DMXL2: variants seen among roughly 807,000 people sequenced by gnomAD.
DMXL2 encodes the protein dmX-like protein 2.
A neutral mutation model predicts 331.1 loss-of-function variants in DMXL2; 103 were observed. The observed-to-expected ratio is 0.31, with a 90% confidence interval of 0.27 to 0.37. The LOEUF (loss-of-function observed/expected upper bound fraction) is 0.37, where lower values mean the gene tolerates loss of function less well. DMXL2 is among the 10% of genes least tolerant of loss of function. The pLI is 1.00. For synonymous variants in DMXL2, 1,281 were observed against 1,252.1 expected, an observed-to-expected ratio of 1.02 and a Z score of -0.49; for missense variants, 3,171 against 3,642.9, an observed-to-expected ratio of 0.87 and a Z score of 3.33.
intron 1 of DMXL2, among the ~76,000 whole-genome samples, chr15:51,588,509 A>T (rs76058633): frequency 0.012 from 1,762 of 152,232 alleles, 26 homozygotes; most frequent in East Asian, 0.026. Flanking sequence ...TTCTTAATAC[A>T]TTTTACATTT....
chr15:51,494,942 T>C (rs2043067418), intron 19 of DMXL2, 82 bp downstream of exon 19: 3 of 962,570 alleles, frequency 3.1e-6, no homozygotes, highest in Non-Finnish European at 4.9e-6. Context: ...ACTTACCTAA[T>C]GTTTACACAC....
intron 1 of DMXL2, among the ~76,000 whole-genome samples, chr15:51,604,274 T>TA (rs55703142): frequency 0.039 from 4,891 of 126,334 alleles, 271 homozygotes; most frequent in African/African-American, 0.14. Context: ...AGGGCATCTA[T>TA]AAAAAAAAAA....
chr15:51,501,542 A>G (rs1352397345), intron 17 of DMXL2, among the ~76,000 whole-genome samples: 1 of 152,204 alleles, frequency 6.6e-6, no homozygotes. Flanking sequence ...AAAAAGCCTC[A>G]GTGGTTTACA....
intron 33 of DMXL2, among the ~76,000 whole-genome samples, chr15:51,461,787 G>A (rs1417028258): frequency 6.6e-6 from 1 of 152,124 alleles, no homozygotes; most frequent in African/African-American, 2.4e-5. Context: ...CCTGAGCTCA[G>A]GAGATCCCCC....
At chr15:51,576,920 A>G (rs948666158) in intron 1 of DMXL2, among the ~76,000 whole-genome samples, 2 of 152,234 alleles carry the variant, frequency 1.3e-5, no homozygotes, top group African/African-American at 4.8e-5. Flanking sequence ...ACTACAACAC[A>G]GAATTAAATT....
chr15:51,538,479 T>G, intron 9 of DMXL2, 27 bp from the exon 10 acceptor site: 1 of 1,518,860 alleles, frequency 6.6e-7, no homozygotes, highest in Non-Finnish European at 8.8e-7. Flanking sequence ...GATTTCAATA[T>G]AATTTTTTTT....
intron 15 of DMXL2, 37 bp downstream of exon 15, chr15:51,514,405 T>C: frequency 8.3e-7 from 1 of 1,197,856 alleles, no homozygotes. Context: ...TTTTTTAGCA[T>C]GAAGGTAAAC....
At chr15:51,601,055 A>T (rs992871729) in intron 1 of DMXL2, among the ~76,000 whole-genome samples, 2 of 151,970 alleles carry the variant, frequency 1.3e-5, no homozygotes, top group Non-Finnish European at 2.9e-5. Context: ...ACTTTGGGAG[A>T]CCGAGGCGGG....
intron 3 of DMXL2, among the ~76,000 whole-genome samples, chr15:51,566,220 ATGTGTGTGTGGGGTGTGTG>A (rs1323064903): frequency 6.3e-5 from 9 of 143,640 alleles, no homozygotes; most frequent in Non-Finnish European, 1.1e-4. Context: ...TCTAAAAAAA[ATGTGTGTGTGGGGTGTGTG>A]TGTGTGTGTG....
intron 25 of DMXL2, among the ~76,000 whole-genome samples, chr15:51,478,920 A>AT (rs960921614): frequency 2.6e-5 from 3 of 117,644 alleles, no homozygotes; most frequent in African/African-American, 5.7e-5. Flanking sequence ...TCTCCATATA[A>AT]TTAAAAAAAA....
rs539165886 is a variant in DMXL2 at position 51,517,419 on chromosome 15, A to G, written c.2437-252T>C. ...GGTATCATATCTTCTTCATTTTTGC[A>G]ACCTTAAAGCCCAAGACAGACATGG... On this transcript the variant is annotated intron_variant, in intron 13 of 43. Coordinates refer to ENST00000560891, the MANE Select transcript of DMXL2 (RefSeq NM_001378457.1). 7.2e-5 allele frequency among the ~76,000 whole-genome samples: 11 copies of G among 152,344 alleles called. No individual in the cohort carries two copies. The East Asian group carries it at 1.9e-3, about 27-fold the overall frequency.
chr15:51,527,132 C>G, intron 13 of DMXL2, among the ~76,000 whole-genome samples: 1 of 152,002 alleles, frequency 6.6e-6, no homozygotes, highest in East Asian at 1.9e-4. Flanking sequence ...AGAAAGGATC[C>G]CAACAGCATC....
rs1440763260 is a variant in DMXL2, at chr15:51,597,547, A to G, written c.88-21366T>C. Among the ~76,000 whole-genome samples the G allele has an allele frequency of 5.9e-5, 9 of 152,320 alleles. No homozygotes were observed. The South Asian group carries it at 1.2e-3, about 21-fold the overall frequency. On this transcript the variant is annotated intron_variant, in intron 1 of 43. Transcript: ENST00000560891. ...TATTCCCTGGTATGTACCACAATTT[A>G]TCCACTCTAATGTTGATGGACATTT...
At chr15:51,502,227 C>T (rs1170483234) in intron 17 of DMXL2, among the ~76,000 whole-genome samples, 5 of 120,096 alleles carry the variant, frequency 4.2e-5, no homozygotes, top group Admixed American at 1.8e-4. Context: ...AGTGAGACTC[C>T]GTCTAAAAAA....
chr15:51,491,831 T>G lies in DMXL2; in HGVS notation c.4784-84A>C, dbSNP rs982663850. On this transcript the variant is annotated intron_variant, in intron 19 of 43. Coordinates refer to ENST00000560891, the MANE Select transcript of DMXL2 (RefSeq NM_001378457.1). Reference sequence around the variant, plus strand: ...ATTTTTCATGCAGTCACATACGCATTCATTTTGGAAAGAATTTTGAAGCAG... The same window carrying G: ...ATTTTTCATGCAGTCACATACGCATGCATTTTGGAAAGAATTTTGAAGCAG... 4.3e-6 allele frequency: 5 copies of G among 1,165,980 alleles called. No individual in the cohort carries two copies. The African/African-American group carries it at 8.0e-5, about 19-fold the overall frequency. The allele number at this position is 1,165,980 out of a possible 1,614,324, so 72.2% of individuals were successfully genotyped here.
intron 13 of DMXL2, among the ~76,000 whole-genome samples, chr15:51,530,912 T>C (rs1035441402): frequency 6.6e-6 from 1 of 152,188 alleles, no homozygotes. Flanking sequence ...AGATATTCCA[T>C]GCTCATGGAT....
chr15:51,568,589 T>A, intron 2 of DMXL2, 31 bp from the exon 3 acceptor site: 2 of 1,367,408 alleles, frequency 1.5e-6, no homozygotes, highest in Non-Finnish European at 2.0e-6. Context: ...CATTAATATC[T>A]AGAAAAGGGT....
At chr15:51,566,229 T>TG (rs930614547) in intron 3 of DMXL2, among the ~76,000 whole-genome samples, 28 of 115,528 alleles carry the variant, frequency 2.4e-4, no homozygotes, top group African/African-American at 8.7e-4. Context: ...AATGTGTGTG[T>TG]GGGGTGTGTG....
At chr15:51,561,429 G>A (rs2049963810) in intron 6 of DMXL2, among the ~76,000 whole-genome samples, 1 of 152,156 alleles carries the variant, frequency 6.6e-6, no homozygotes, top group African/African-American at 2.4e-5. Context: ...AGGCTGTAGT[G>A]AGGCTTTGCT....
Sources: gnomAD v4.1 joint callset for allele counts (sites outside exome capture counted in the v4.1 genomes callset) on GRCh38, gnomAD v4.1.1 for gene constraint, MANE v1.5 for transcripts, NCBI Gene and HGNC (gene_info 2026-07-23, HGNC 2026-07-21) for gene names.